MEIKIN: variants seen among roughly 807,000 people sequenced by gnomAD.
MEIKIN encodes meiosis-specific kinetochore protein.
chr5:131,928,143 CAA>C (rs60395354), intron 5 of MEIKIN, among the ~76,000 whole-genome samples: 159 of 88,710 alleles, frequency 1.8e-3, no homozygotes, highest in African/African-American at 4.9e-3. Context: ...AACTCCGTCT[CAA>C]AAAAAAAAAA....
At chr5:131,903,924 A>T (rs745671507) in intron 8 of MEIKIN, among the ~76,000 whole-genome samples, 16 of 152,090 alleles carry the variant, frequency 1.1e-4, no homozygotes, top group Admixed American at 2.6e-4. Flanking sequence ...CACACACTCA[A>T]AGTAAAGGGA....
intron 11 of MEIKIN, among the ~76,000 whole-genome samples, chr5:131,824,839 T>C (rs992126406): frequency 1.3e-5 from 2 of 152,090 alleles, no homozygotes; most frequent in Non-Finnish European, 2.9e-5. Context: ...AATCCACAGA[T>C]TTAGGAAGCC....
intron 8 of MEIKIN, among the ~76,000 whole-genome samples, chr5:131,907,978 A>C (rs943587136): frequency 2.6e-5 from 4 of 152,172 alleles, no homozygotes; most frequent in African/African-American, 9.7e-5. Context: ...GGACCTAGTG[A>C]CTTCACTGTT....
chr5:131,911,363 G>A (rs1454667330), intron 8 of MEIKIN, among the ~76,000 whole-genome samples: 2 of 151,946 alleles, frequency 1.3e-5, no homozygotes, highest in Non-Finnish European at 2.9e-5. Flanking sequence ...ATACAGCAGA[G>A]GTTAATAAGG....
intron 8 of MEIKIN, among the ~76,000 whole-genome samples, chr5:131,891,177 A>C (rs541922180): frequency 6.6e-6 from 1 of 152,176 alleles, no homozygotes; most frequent in East Asian, 1.9e-4. Context: ...GTGGTGCTGA[A>C]AAGAATGTAT....
At chr5:131,840,138 T>C (rs967708302) in intron 11 of MEIKIN, among the ~76,000 whole-genome samples, 1 of 152,228 alleles carries the variant, frequency 6.6e-6, no homozygotes, top group Admixed American at 6.5e-5. Flanking sequence ...TGGCCTGATA[T>C]GAAATTCTTG....
At chr5:131,821,396 C>T (rs570158927) in intron 11 of MEIKIN, among the ~76,000 whole-genome samples, 3 of 152,252 alleles carry the variant, frequency 2.0e-5, no homozygotes, top group East Asian at 3.9e-4. Flanking sequence ...TGTTTTAAGA[C>T]TCATTTTGTG....
intron 11 of MEIKIN, among the ~76,000 whole-genome samples, chr5:131,832,640 G>A (rs567343445): frequency 8.7e-4 from 133 of 152,306 alleles, no homozygotes; most frequent in African/African-American, 3.0e-3. Context: ...CGCCCTTGCA[G>A]CAAAATTCTG....
Position 131,807,100 on chromosome 5 carries a change from A to G in MEIKIN, c.*136T>C. The G allele has an allele frequency of 2.5e-6, 1 of 395,100 alleles. No individual in the cohort carries two copies. Among genetic ancestry groups the G allele is most frequent in the Non-Finnish European group, 4.5e-6 (1 of 224,328 alleles). 24.5% of individuals were successfully genotyped at this position (395,100 alleles called of 1,614,324 possible). ...ACAAGAACCTCAGTAGAATTTCAAC[A>G]TAGAGATATATCACAAATAACTGGA... On this transcript the variant is annotated 3_prime_UTR_variant, in exon 13 of 13. Coordinates refer to ENST00000442687, the MANE Select transcript of MEIKIN (RefSeq NM_001303622.2).
rs556575230 is a variant in MEIKIN at position 131,892,765 on chromosome 5, C to T, written c.704-13717G>A. Among the ~76,000 whole-genome samples, 950 of 152,308 alleles carry T rather than the reference C, an allele frequency of 6.2e-3. 2 individuals carry two copies. Among genetic ancestry groups the T allele is most frequent in the Non-Finnish European group, 9.6e-3 (656 of 68,018 alleles). Reference sequence around the variant, plus strand: ...TTGTTCCATTGCTGGTGAGGAGCTGCGTTCCTTTGGAGGAGGAGAGGTGCT... The same window carrying T: ...TTGTTCCATTGCTGGTGAGGAGCTGTGTTCCTTTGGAGGAGGAGAGGTGCT... On this transcript the variant is annotated intron_variant, in intron 8 of 12. Transcript: ENST00000442687.
chr5:131,919,066 C>CA (rs1163066057), intron 6 of MEIKIN, among the ~76,000 whole-genome samples: 1 of 151,988 alleles, frequency 6.6e-6, no homozygotes, highest in African/African-American at 2.4e-5. Flanking sequence ...ATAATATATA[C>CA]AACAGACAAA....
At chr5:131,870,557 T>C (rs558282715) in intron 9 of MEIKIN, among the ~76,000 whole-genome samples, 26 of 152,222 alleles carry the variant, frequency 1.7e-4, no homozygotes, top group Non-Finnish European at 2.9e-4. Context: ...TCCAGATTGA[T>C]AGCCAATGGC....
chr5:131,861,941 G>C (rs1750292290), intron 9 of MEIKIN, among the ~76,000 whole-genome samples: 1 of 152,068 alleles, frequency 6.6e-6, no homozygotes, highest in Admixed American at 6.6e-5. Flanking sequence ...TTTAGTTTTG[G>C]AATCAGGGTA....
chr5:131,836,707 G>C (rs1413320503), intron 11 of MEIKIN, among the ~76,000 whole-genome samples: 1 of 149,374 alleles, frequency 6.7e-6, no homozygotes, highest in Non-Finnish European at 1.5e-5. Flanking sequence ...CTTCTTAAAA[G>C]TGTCTGTGCA....
chr5:131,863,737 T>C (rs1038630376), intron 9 of MEIKIN, among the ~76,000 whole-genome samples: 10 of 152,046 alleles, frequency 6.6e-5, no homozygotes, highest in African/African-American at 2.4e-4. Flanking sequence ...TTCTCACATG[T>C]TATGGGAGGG....
chr5:131,893,661 A>T (rs924429883), intron 8 of MEIKIN, among the ~76,000 whole-genome samples: 1 of 152,190 alleles, frequency 6.6e-6, no homozygotes, highest in African/African-American at 2.4e-5. Flanking sequence ...AAATGGAGAA[A>T]TCACCCATCT....
At chr5:131,873,712 C>T (rs191696758) in intron 9 of MEIKIN, among the ~76,000 whole-genome samples, 9 of 152,274 alleles carry the variant, frequency 5.9e-5, no homozygotes, top group Admixed American at 5.9e-4. Flanking sequence ...TTCAGCACCA[C>T]ACCTATTCCA....
At chr5:131,892,881 A>G (rs1003238586) in intron 8 of MEIKIN, among the ~76,000 whole-genome samples, 1 of 152,308 alleles carries the variant, frequency 6.6e-6, no homozygotes, top group East Asian at 1.9e-4. Flanking sequence ...GGTGACGTAC[A>G]GATGGGTTTT....
chr5:131,861,323 A>T (rs1469631396), intron 9 of MEIKIN, among the ~76,000 whole-genome samples: 1 of 151,922 alleles, frequency 6.6e-6, no homozygotes, highest in Non-Finnish European at 1.5e-5. Flanking sequence ...CGGGAGGTGG[A>T]GGTTGCAGGA....
Sources: gnomAD v4.1 joint callset for allele counts (sites outside exome capture counted in the v4.1 genomes callset) on GRCh38, gnomAD v4.1.1 for gene constraint, MANE v1.5 for transcripts, NCBI Gene and HGNC (gene_info 2026-07-23, HGNC 2026-07-21) for gene names.